Variants in IQGAP2 observed in about 807,000 individuals in gnomAD.
IQGAP2 encodes the protein IQ motif containing GTPase activating protein 2, also known as ras GTPase-activating-like protein IQGAP2.
In IQGAP2, 173 loss-of-function variants were observed where a neutral mutation model predicts 201.3. That is an observed-to-expected ratio of 0.86 (90% confidence interval 0.76 to 0.98). IQGAP2 has a LOEUF of 0.98. Ranked by LOEUF, IQGAP2 falls within the 50% of genes least tolerant of loss-of-function variation. The probability of loss-of-function intolerance (pLI) is 0.00; values close to 1 mark genes in which losing one functional copy is unlikely to be tolerated. For synonymous variants in IQGAP2, 675 were observed against 673.9 expected (o/e 1.00, Z -0.03); for missense variants, 1,687 against 1,864.8 (o/e 0.90, Z 1.76).
At chr5:76,609,849 G>A (rs1169892596) in intron 12 of IQGAP2, among the ~76,000 whole-genome samples, 6 of 150,810 alleles carry the variant, frequency 4.0e-5, no homozygotes, top group Non-Finnish European at 7.4e-5. Flanking sequence ...ATATGTGTGT[G>A]TGTGTGTGTG....
intron 2 of IQGAP2, among the ~76,000 whole-genome samples, chr5:76,538,422 C>G (rs1759751225): frequency 6.6e-6 from 1 of 152,164 alleles, no homozygotes; most frequent in Non-Finnish European, 1.5e-5. Context: ...TCTTCCAGGG[C>G]AATGGAGGTA....
intron 2 of IQGAP2, among the ~76,000 whole-genome samples, chr5:76,522,122 T>C (rs1448501567): frequency 2.0e-5 from 3 of 152,038 alleles, no homozygotes; most frequent in African/African-American, 7.2e-5. Flanking sequence ...AAAACAAAGC[T>C]GGGCCACATT....
intron 31 of IQGAP2, 124 bp from the exon 32 acceptor site, chr5:76,695,329 GT>G: frequency 1.4e-6 from 1 of 726,912 alleles, no homozygotes; most frequent in South Asian, 1.8e-5. Context: ...ACATGTTCTG[GT>G]TCTAGTCTCT....
intron 3 of IQGAP2, among the ~76,000 whole-genome samples, chr5:76,563,595 A>G (rs1167535585): frequency 2.0e-5 from 3 of 152,232 alleles, no homozygotes; most frequent in South Asian, 2.1e-4. Flanking sequence ...AGGCTCCTCC[A>G]TTAGCAATGT....
intron 28 of IQGAP2, 49 bp from the exon 29 acceptor site, chr5:76,683,066 G>A (rs772175857): frequency 3.4e-6 from 4 of 1,159,806 alleles, no homozygotes; most frequent in Non-Finnish European, 5.1e-6. Flanking sequence ...ATATGGTACA[G>A]TTGAGAATTT....
At chr5:76,406,000 C>T (rs1750779359) in intron 1 of IQGAP2, among the ~76,000 whole-genome samples, 1 of 152,166 alleles carries the variant, frequency 6.6e-6, no homozygotes, top group Admixed American at 6.6e-5. Context: ...TTAAACACAA[C>T]TTTTTGGTAG....
intron 2 of IQGAP2, among the ~76,000 whole-genome samples, chr5:76,506,734 G>T (rs539996542): frequency 1.3e-5 from 2 of 152,268 alleles, no homozygotes; most frequent in African/African-American, 4.8e-5. Context: ...CAATGAACAA[G>T]TAGAATTTGA....
At chr5:76,461,472 A>T in intron 1 of IQGAP2, 98 bp from the exon 2 acceptor site, 2 of 720,494 alleles carry the variant, frequency 2.8e-6, no homozygotes, top group Non-Finnish European at 4.6e-6. Flanking sequence ...TCTGAATGTT[A>T]AATGTTCAGC....
intron 17 of IQGAP2, among the ~76,000 whole-genome samples, chr5:76,648,267 A>G (rs1459219465): frequency 1.3e-5 from 2 of 151,892 alleles, no homozygotes; most frequent in Admixed American, 6.6e-5. Flanking sequence ...TTTTCTCTTC[A>G]CCTTTAAGAG....
chr5:76,504,325 G>T (rs1266771893), intron 2 of IQGAP2, among the ~76,000 whole-genome samples: 2 of 152,148 alleles, frequency 1.3e-5, no homozygotes, highest in African/African-American at 4.8e-5. Flanking sequence ...GTCAGGCAGG[G>T]GAACTGGTAG....
At chr5:76,419,885 T>G in intron 1 of IQGAP2, among the ~76,000 whole-genome samples, 1 of 152,182 alleles carries the variant, frequency 6.6e-6, no homozygotes, top group East Asian at 1.9e-4. Flanking sequence ...TCATCCTCAG[T>G]GTTACCATTA....
At chr5:76,456,002 A>G (rs1398559816) in intron 1 of IQGAP2, among the ~76,000 whole-genome samples, 1 of 152,192 alleles carries the variant, frequency 6.6e-6, no homozygotes. Flanking sequence ...GGCTTTCCAT[A>G]AAGTTCCCCT....
At chr5:76,582,505 T>C (rs917933376) in intron 5 of IQGAP2, among the ~76,000 whole-genome samples, 1 of 152,222 alleles carries the variant, frequency 6.6e-6, no homozygotes, top group African/African-American at 2.4e-5. Context: ...GTGGTCTTTC[T>C]GCTCTACCAT....
chr5:76,625,942 C>T (rs1337534903), intron 13 of IQGAP2, among the ~76,000 whole-genome samples: 1 of 152,158 alleles, frequency 6.6e-6, no homozygotes, highest in African/African-American at 2.4e-5. Context: ...ATTTACTTGC[C>T]ATCTCAGAAA....
chr5:76,582,783 A>AACAACTACT (rs113144163), intron 5 of IQGAP2, among the ~76,000 whole-genome samples: 1 of 151,718 alleles, frequency 6.6e-6, no homozygotes, highest in South Asian at 2.1e-4. Flanking sequence ...AGTAGATAAC[A>AACAACTACT]ACTACTACTA....
At chr5:76,506,716 T>A (rs939490691) in intron 2 of IQGAP2, among the ~76,000 whole-genome samples, 3 of 152,220 alleles carry the variant, frequency 2.0e-5, no homozygotes, top group Non-Finnish European at 4.4e-5. Context: ...CACATTCCTA[T>A]ATATTAGCAA....
At chr5:76,427,584 A>G (rs1428969299) in intron 1 of IQGAP2, among the ~76,000 whole-genome samples, 1 of 152,214 alleles carries the variant, frequency 6.6e-6, no homozygotes, top group African/African-American at 2.4e-5. Flanking sequence ...GAAACGTTCC[A>G]TTTTAAATGA....
At position 76,600,804 on chromosome 5, in the gene IQGAP2, TC is replaced by T; in HGVS notation, c.1072-6del. ...GGGGAGCTTATGTTGCCATATGTTTTCCAACAGAACTACTTGGCCCACGAGG... is the reference window on the plus strand; with the variant it reads ...GGGGAGCTTATGTTGCCATATGTTTTCAACAGAACTACTTGGCCCACGAGG... On this transcript the variant is annotated splice_region_variant and splice_polypyrimidine_tract_variant and intron_variant, in intron 10 of 35. Transcript: ENST00000274364. The T allele has an allele frequency of 6.2e-7, 1 of 1,613,898 alleles. No individual in the cohort carries two copies. Among genetic ancestry groups the T allele is most frequent in the Non-Finnish European group, 8.5e-7 (1 of 1,179,804 alleles).
At chr5:76,675,346 A>T (rs1744711630) in intron 27 of IQGAP2, among the ~76,000 whole-genome samples, 1 of 152,210 alleles carries the variant, frequency 6.6e-6, no homozygotes, top group Non-Finnish European at 1.5e-5. Flanking sequence ...TCCCCCAAAC[A>T]TACCAAGGAA....
Sources: allele counts gnomAD v4.1 joint callset (sites outside exome capture counted in the v4.1 genomes callset), GRCh38; gene constraint gnomAD v4.1.1; transcripts MANE v1.5; gene names NCBI Gene and HGNC (gene_info 2026-07-23, HGNC 2026-07-21).